The following DHX35 variants were observed in gnomAD, a reference collection of about 807,000 sequenced individuals.
The protein encoded by DHX35 is DEAH-box helicase 35, also known as probable ATP-dependent RNA helicase DHX35.
In DHX35, 84 loss-of-function variants were observed where a neutral mutation model predicts 99.6. That is an observed-to-expected ratio of 0.84 (90% CI 0.71 to 1.01). The LOEUF is 1.01. Ranked by LOEUF, DHX35 falls within the 50% of genes least tolerant of loss-of-function variation. The pLI, the probability that DHX35 is intolerant of heterozygous loss-of-function variation, is 0.00. For missense variants in DHX35, 852 were observed against 888.5 expected (o/e 0.96, Z 0.52); for synonymous variants, 331 against 316.2 (o/e 1.05, Z -0.50).
At chr20:38,994,094 T>C (rs2086385134) in intron 7 of DHX35, among the ~76,000 whole-genome samples, 1 of 152,154 alleles carries the variant, frequency 6.6e-6, no homozygotes, top group African/African-American at 2.4e-5. Context: ...TTAGTTGTTA[T>C]TATTATTATT....
chr20:38,983,195 C>T (rs1423534492), intron 3 of DHX35, among the ~76,000 whole-genome samples: 1 of 152,198 alleles, frequency 6.6e-6, no homozygotes, highest in African/African-American at 2.4e-5. Context: ...CTGGGATTAC[C>T]GGCATGAGCC....
chr20:39,010,522 G>A (rs2086686399), intron 13 of DHX35, 118 bp downstream of exon 13: 1 of 1,405,934 alleles, frequency 7.1e-7, no homozygotes, highest in African/African-American at 1.4e-5. Context: ...GTCATGTGTT[G>A]TGTGTCTGCT....
intron 14 of DHX35, 99 bp from the exon 15 acceptor site, chr20:39,018,705 T>G (rs184462721): frequency 8.4e-7 from 1 of 1,190,330 alleles, no homozygotes; most frequent in African/African-American, 1.5e-5. Flanking sequence ...GGATACTTTC[T>G]TCTTTTTAGC....
At position 38,991,320 on chromosome 20, in the gene DHX35, G is replaced by A; in HGVS notation, c.451-134G>A. The A allele has an allele frequency of 4.5e-6, 3 of 664,092 alleles. No homozygotes were observed. The South Asian group carries it at 7.0e-5, about 15-fold the overall frequency. 41.1% of individuals were successfully genotyped at this position (664,092 alleles called of 1,614,324 possible). On this transcript the variant is annotated intron_variant, in intron 5 of 21. Coordinates refer to ENST00000252011, the MANE Select transcript of DHX35 (RefSeq NM_021931.4). ...ATTGCTTGATAACGAAAATATGGGG[G>A]CATTTTCTCACAGTCCTTTGTGGGA...
chr20:39,002,471 G>A (rs550901810), intron 9 of DHX35, among the ~76,000 whole-genome samples: 1 of 152,308 alleles, frequency 6.6e-6, no homozygotes, highest in African/African-American at 2.4e-5. Flanking sequence ...TGGGACCACA[G>A]CTTCCGATTT....
At chr20:39,010,468 C>G (rs2086685373) in intron 13 of DHX35, 64 bp downstream of exon 13, 1 of 1,596,842 alleles carries the variant, frequency 6.3e-7, no homozygotes, top group African/African-American at 1.3e-5. Context: ...GATGTCAGGA[C>G]ATTGTCGTAG....
chr20:38,979,156 T>A (rs2086130847), intron 3 of DHX35, among the ~76,000 whole-genome samples: 2 of 152,142 alleles, frequency 1.3e-5, no homozygotes, highest in Admixed American at 6.5e-5. Flanking sequence ...ACATAATGTA[T>A]TGTTGGTTTT....
chr20:38,970,846 GAA>G (rs201023264), intron 2 of DHX35, among the ~76,000 whole-genome samples: 4 of 134,654 alleles, frequency 3.0e-5, no homozygotes, highest in Non-Finnish European at 3.2e-5. Flanking sequence ...AACAGCAAAT[GAA>G]AAAAAAAAAA....
chr20:39,004,065 G>A (rs144539620), intron 11 of DHX35, among the ~76,000 whole-genome samples, 158 bp downstream of exon 11: 2 of 152,070 alleles, frequency 1.3e-5, no homozygotes, highest in Admixed American at 1.3e-4. Context: ...ACATTGTGAA[G>A]ATTTCTTTTT....
At chr20:38,968,574 G>A (rs960169126) in intron 1 of DHX35, among the ~76,000 whole-genome samples, 4 of 152,090 alleles carry the variant, frequency 2.6e-5, no homozygotes, top group African/African-American at 9.7e-5. Flanking sequence ...TGGAGACAGA[G>A]TCTTGCTCTG....
In DHX35 at chr20:39,023,787, G is replaced by A. The variant is rs377458827; in HGVS notation, c.1671+20G>A. The A allele has an allele frequency of 5.9e-5, 95 of 1,606,582 alleles. No homozygotes were observed. In the African/African-American group the frequency reaches 8.5e-4, roughly 14 times the overall value. On this transcript the variant is annotated intron_variant, in intron 17 of 21. Transcript: ENST00000252011. ...ATCAAAGTAAGCACAACTACTGCTC[G>A]AAGTGCCGCCTCAACACACCACCCT...
chr20:38,963,266 C>G (rs1013911478), intron 1 of DHX35, among the ~76,000 whole-genome samples: 1 of 152,204 alleles, frequency 6.6e-6, no homozygotes, highest in South Asian at 2.1e-4. Flanking sequence ...CAGCTACCAG[C>G]TTGATTTTTT....
At chr20:38,992,450 A>C in intron 7 of DHX35, 25 bp downstream of exon 7, 1 of 1,610,382 alleles carries the variant, frequency 6.2e-7, no homozygotes, top group Non-Finnish European at 8.5e-7. Flanking sequence ...CCAGCTTTTC[A>C]TTGTGTGTGT....
At chr20:38,962,711 A>C in intron 1 of DHX35, 1 of 416,882 alleles carries the variant, frequency 2.4e-6, no homozygotes. Context: ...GGAATCCTAA[A>C]GCTCCCTCTC....
At chr20:39,031,381 T>A (rs1600454898) in intron 20 of DHX35, among the ~76,000 whole-genome samples, 1 of 149,504 alleles carries the variant, frequency 6.7e-6, no homozygotes. Context: ...TCGCCCAGGC[T>A]GGAGTGCAGT....
At chr20:38,969,615 G>A (rs754021180) in intron 2 of DHX35, among the ~76,000 whole-genome samples, 1 of 152,192 alleles carries the variant, frequency 6.6e-6, no homozygotes, top group Non-Finnish European at 1.5e-5. Context: ...TTGGGAATAT[G>A]AGGTTGTTTC....
chr20:38,988,684 T>C lies in DHX35; in HGVS notation c.346-129T>C, dbSNP rs372300046. 4.6e-6 allele frequency: 6 copies of C among 1,291,828 alleles called. No homozygotes were observed. In the African/African-American group the frequency reaches 8.9e-5, roughly 19 times the overall value. 80.0% of individuals were successfully genotyped at this position (1,291,828 alleles called of 1,614,324 possible). ...TTATTATGCTTGTTCTCTAATAACT[T>C]GTCTCTTTTCATTTTTCATTGTGTT... On this transcript the variant is annotated intron_variant, in intron 4 of 21. Transcript: ENST00000252011.
chr20:39,019,862 ACCT>A (rs1489563430), intron 15 of DHX35, among the ~76,000 whole-genome samples: 3 of 151,836 alleles, frequency 2.0e-5, no homozygotes, highest in Non-Finnish European at 4.4e-5. Context: ...TTTGATCAAC[ACCT>A]CCTCTTTCTC....
At chr20:39,019,637 A>G (rs2086840812) in intron 15 of DHX35, among the ~76,000 whole-genome samples, 1 of 152,196 alleles carries the variant, frequency 6.6e-6, no homozygotes, top group African/African-American at 2.4e-5. Flanking sequence ...GTTTTAATCT[A>G]TGTACACATT....
Sources: allele counts gnomAD v4.1 joint callset (sites outside exome capture counted in the v4.1 genomes callset), GRCh38; gene constraint gnomAD v4.1.1; transcripts MANE v1.5; gene names NCBI Gene and HGNC (gene_info 2026-07-23, HGNC 2026-07-21).